CDC16: variants seen among roughly 807,000 people sequenced by gnomAD.
The protein encoded by CDC16 is cell division cycle protein 16 homolog.
Under a neutral mutation model 87.0 loss-of-function variants are expected in CDC16, and 34 were observed. That is an observed-to-expected ratio of 0.39 (90% CI 0.30 to 0.52). The LOEUF is 0.52. Ranked by LOEUF, CDC16 falls within the 20% of genes least tolerant of loss-of-function variation. The pLI, the probability that CDC16 is intolerant of heterozygous loss-of-function variation, is 0.74. For synonymous variants in CDC16, 263 were observed against 260.6 expected (o/e 1.01, Z -0.09); for missense variants, 653 against 751.9 (o/e 0.87, Z 1.54).
chr13:114,271,674 G>C (rs1304864436), intron 17 of CDC16, among the ~76,000 whole-genome samples: 7 of 151,804 alleles, frequency 4.6e-5, no homozygotes, highest in Non-Finnish European at 8.8e-5. Context: ...GTAGAGACTG[G>C]GTTTCACCGT....
At chr13:114,242,658 A>C (rs2081611376) in intron 6 of CDC16, 1 of 184,890 alleles carries the variant, frequency 5.4e-6, no homozygotes, top group African/African-American at 2.4e-5. Context: ...AGGTGATCCT[A>C]ATGTACCACA....
chr13:114,255,291 A>G (rs2082426056), intron 12 of CDC16, among the ~76,000 whole-genome samples: 1 of 152,136 alleles, frequency 6.6e-6, no homozygotes, highest in Non-Finnish European at 1.5e-5. Context: ...TAACCCTGTT[A>G]TTTACCATTT....
At chr13:114,261,977 A>T (rs376281834) in intron 15 of CDC16, 29 bp downstream of exon 15, 2 of 1,399,030 alleles carry the variant, frequency 1.4e-6, no homozygotes, top group Non-Finnish European at 2.0e-6. Context: ...TTTCAGAAAT[A>T]TACTTTGTGT....
At chr13:114,268,134 AG>A (rs535209578) in intron 17 of CDC16, among the ~76,000 whole-genome samples, 3,724 of 151,980 alleles carry the variant, frequency 0.025, 160 homozygotes, top group African/African-American at 0.086. Flanking sequence ...GAAAAGGGAA[AG>A]GGGGGGGAGT....
At chr13:114,235,401 A>G (rs962310277) in intron 1 of CDC16, among the ~76,000 whole-genome samples, 11 of 152,176 alleles carry the variant, frequency 7.2e-5, no homozygotes, top group Admixed American at 3.3e-4. Context: ...CCTGGCGCGG[A>G]GGAGGTGCCC....
intron 3 of CDC16, among the ~76,000 whole-genome samples, chr13:114,238,125 ACGCC>A: frequency 1.3e-5 from 2 of 151,750 alleles, no homozygotes; most frequent in Admixed American, 6.6e-5. Flanking sequence ...ATCTCCTTGG[ACGCC>A]CAGCAGTTAT....
intron 12 of CDC16, 23 bp from the exon 13 acceptor site, chr13:114,257,055 T>C: frequency 6.7e-7 from 1 of 1,487,856 alleles, no homozygotes; most frequent in Non-Finnish European, 9.2e-7. Flanking sequence ...GTGTTGAATA[T>C]GTGAAATTTT....
Position 114,239,481 on chromosome 13 carries a change from A to G in CDC16, c.372A>G (p.Ser124=), listed in dbSNP as rs1383872464. Residue 124 remains serine, a synonymous_variant, in exon 5 of 18, where the codon TCA becomes TCG. Coordinates refer to ENST00000356221, the MANE Select transcript of CDC16 (RefSeq NM_001078645.3). ...ATCCTTCCAGCGACTGGGAAATGTC[A>G]CAGTCTTCAGTAAGTAGTACTGTGA... The part of the protein sequence containing the change: ...FKDPSSDWEM[S]QSSIKSSICL... The G allele has an allele frequency of 6.2e-7, 1 of 1,610,972 alleles. No individual in the cohort carries two copies.
At chr13:114,238,512 C>T (rs1389744514) in intron 3 of CDC16, among the ~76,000 whole-genome samples, 3 of 146,726 alleles carry the variant, frequency 2.0e-5, no homozygotes, top group African/African-American at 7.7e-5. Context: ...GGAGCTGCTG[C>T]GATCTCCTCG....
At position 114,261,912 on chromosome 13, in the gene CDC16, T is replaced by G; in HGVS notation, c.1340T>G (p.Leu447Trp). The G allele has an allele frequency of 6.2e-7, 1 of 1,605,728 alleles. No homozygotes were observed. Among genetic ancestry groups the G allele is most frequent in the Non-Finnish European group, 8.5e-7 (1 of 1,176,578 alleles). ...GTAACAGTTGACAAATGGGAACCTT[T>G]GTTGAACAACTTGGGGCATGTCTGC... ...NEVTVDKWEP[L>W]LNNLGHVCRK... The change falls in exon 15 of 18, where the codon TTG becomes TGG. Residue 447 changes from leucine (L) to tryptophan (W), a missense_variant. Transcript: ENST00000356221.
At chr13:114,247,292 A>G in intron 11 of CDC16, 1 of 346,414 alleles carries the variant, frequency 2.9e-6, no homozygotes, top group South Asian at 3.7e-5. Flanking sequence ...CCTCCCGAGT[A>G]GCTGGGACTA....
chr13:114,245,286 A>G (rs1189377607), intron 9 of CDC16, among the ~76,000 whole-genome samples: 2 of 120,856 alleles, frequency 1.7e-5, no homozygotes, highest in Non-Finnish European at 3.4e-5. Flanking sequence ...TTTTTTTTGT[A>G]AATTCCACTG....
intron 1 of CDC16, 116 bp from the exon 2 acceptor site, chr13:114,236,529 T>C: frequency 2.3e-6 from 2 of 887,818 alleles, no homozygotes; most frequent in Non-Finnish European, 3.0e-6. Context: ...GAGATGAAGA[T>C]TTATTACATA....
rs1265935202 is a variant in CDC16 at position 114,243,329 on chromosome 13, T to C, written c.614T>C (p.Phe205Ser). ...NEEQELLRFL[F>S]ENKLKKYNKP... ...GAACAGGAATTGCTGCGTTTTCTATTTGAGAACAAATTGAAAAAAGTAAGT... is the reference window on the plus strand; with the variant it reads ...GAACAGGAATTGCTGCGTTTTCTATCTGAGAACAAATTGAAAAAAGTAAGT... The change falls in exon 7 of 18, where the codon TTT becomes TCT. Residue 205 changes from phenylalanine (F) to serine (S), a missense_variant. Phe to Ser is a radical substitution (Grantham distance 155, BLOSUM62 -2). Transcript: ENST00000356221. The C allele has an allele frequency of 3.2e-6, 5 of 1,565,024 alleles. No homozygotes were observed. The East Asian group carries it at 9.0e-5, about 28-fold the overall frequency.
intron 8 of CDC16, 176 bp from the exon 9 acceptor site, chr13:114,244,714 G>C (rs1467970916): frequency 1.5e-5 from 6 of 408,682 alleles, no homozygotes; most frequent in Admixed American, 8.6e-5. Flanking sequence ...TCTTTCATTT[G>C]TAACTTAATT....
At chr13:114,238,411 C>T (rs1193870678) in intron 3 of CDC16, among the ~76,000 whole-genome samples, 4 of 148,040 alleles carry the variant, frequency 2.7e-5, no homozygotes, top group Non-Finnish European at 5.9e-5. Flanking sequence ...GCTCCTCGGA[C>T]GCCCAGCAGT....
chr13:114,245,747 G>C (rs2081831278), intron 9 of CDC16: 1 of 376,202 alleles, frequency 2.7e-6, no homozygotes, highest in South Asian at 4.1e-5. Context: ...TAAGAGAGGT[G>C]AGGTGCTTTG....
chr13:114,241,099 A>G (rs1011685723), intron 5 of CDC16, among the ~76,000 whole-genome samples: 5 of 152,134 alleles, frequency 3.3e-5, no homozygotes, highest in African/African-American at 1.2e-4. Context: ...CGAGGTCCAG[A>G]GTCTAGAATG....
intron 17 of CDC16, among the ~76,000 whole-genome samples, chr13:114,269,732 T>A (rs535299341): frequency 6.6e-6 from 1 of 152,192 alleles, no homozygotes; most frequent in Non-Finnish European, 1.5e-5. Context: ...TGAGATGGAG[T>A]TTCACTCAGT....
Sources: allele counts gnomAD v4.1 joint callset (sites outside exome capture counted in the v4.1 genomes callset), GRCh38; gene constraint gnomAD v4.1.1; transcripts MANE v1.5; gene names NCBI Gene and HGNC (gene_info 2026-07-23, HGNC 2026-07-21).